FOXP2: variants seen among roughly 807,000 people sequenced by gnomAD.
FOXP2 encodes forkhead box P2.
In FOXP2, 12 loss-of-function variants were observed where a neutral mutation model predicts 115.8. That is an observed-to-expected ratio of 0.10 (90% CI 0.07 to 0.17). The LOEUF (loss-of-function observed/expected upper bound fraction) is 0.17. Among genes scored for constraint, FOXP2 ranks in the 10% least tolerant of loss-of-function variants. The pLI is 1.00. For missense variants in FOXP2, 629 were observed against 843.5 expected (o/e 0.75, Z 3.15); for synonymous variants, 328 against 297.7 (o/e 1.10, Z -1.05).
intron 3 of FOXP2, among the ~76,000 whole-genome samples, chr7:114,564,692 G>A (rs1800919532): frequency 1.3e-5 from 2 of 151,882 alleles, no homozygotes; most frequent in African/African-American, 2.4e-5. Flanking sequence ...CCAGCCTGGA[G>A]TATATAGTGA....
intron 1 of FOXP2, among the ~76,000 whole-genome samples, chr7:114,127,270 G>T (rs1305629817): frequency 6.6e-6 from 1 of 152,186 alleles, no homozygotes; most frequent in Non-Finnish European, 1.5e-5. Flanking sequence ...ACACTCTTAT[G>T]TAACAATCAT....
At chr7:114,266,095 C>A (rs947275672) in intron 1 of FOXP2, among the ~76,000 whole-genome samples, 1 of 151,886 alleles carries the variant, frequency 6.6e-6, no homozygotes, top group South Asian at 2.1e-4. Flanking sequence ...AAAAACTGGA[C>A]CTATCAGCCC....
intron 1 of FOXP2, among the ~76,000 whole-genome samples, chr7:114,187,392 T>G (rs1034934392): frequency 8.5e-5 from 13 of 152,186 alleles, no homozygotes; most frequent in Non-Finnish European, 1.5e-4. Context: ...ACACAGACAT[T>G]CAGCCAAATT....
chr7:114,542,083 A>C (rs991651221), intron 3 of FOXP2, among the ~76,000 whole-genome samples: 88 of 152,200 alleles, frequency 5.8e-4, no homozygotes, highest in Admixed American at 3.5e-3. Context: ...GATTCTATTT[A>C]TATATTTCTA....
chr7:114,355,958 C>G (rs924210342), intron 2 of FOXP2, among the ~76,000 whole-genome samples: 2 of 152,200 alleles, frequency 1.3e-5, no homozygotes, highest in Non-Finnish European at 2.9e-5. Flanking sequence ...ATACTTACCT[C>G]TGTTCAACTA....
At chr7:114,310,920 C>A (rs1274152690) in intron 2 of FOXP2, among the ~76,000 whole-genome samples, 1 of 152,112 alleles carries the variant, frequency 6.6e-6, no homozygotes, top group Non-Finnish European at 1.5e-5. Context: ...TGCAGCTCAA[C>A]CTTTTGACTT....
intron 2 of FOXP2, among the ~76,000 whole-genome samples, chr7:114,468,004 T>G (rs1271479855): frequency 6.6e-6 from 1 of 152,180 alleles, no homozygotes; most frequent in African/African-American, 2.4e-5. Flanking sequence ...ACTGCTGTTC[T>G]TCTGCAATGC....
At chr7:114,513,806 A>C (rs1363409247) in intron 2 of FOXP2, among the ~76,000 whole-genome samples, 1 of 152,128 alleles carries the variant, frequency 6.6e-6, no homozygotes, top group East Asian at 1.9e-4. Context: ...ATAATTTTCT[A>C]ATTTAAGTGT....
At chr7:114,129,783 T>G (rs531067811) in intron 1 of FOXP2, among the ~76,000 whole-genome samples, 1 of 152,328 alleles carries the variant, frequency 6.6e-6, no homozygotes, top group African/African-American at 2.4e-5. Context: ...TGTCATTAAG[T>G]AAAATTTAAG....
intron 1 of FOXP2, among the ~76,000 whole-genome samples, chr7:114,116,721 C>T (rs944945245): frequency 1.1e-4 from 17 of 151,900 alleles, no homozygotes; most frequent in Non-Finnish European, 2.1e-4. Flanking sequence ...GGATTAAAAA[C>T]GTAAAATGGG....
intron 1 of FOXP2, among the ~76,000 whole-genome samples, chr7:114,175,035 G>T (rs887096705): frequency 1.3e-5 from 2 of 152,016 alleles, no homozygotes; most frequent in African/African-American, 4.8e-5. Context: ...TAAAGAGAGG[G>T]TTGTAACAAA....
At position 114,635,327 on chromosome 7, in the gene FOXP2, G is replaced by A. The variant is rs75490674; in HGVS notation, c.775+3622G>A. On this transcript the variant is annotated intron_variant, in intron 6 of 16. Transcript: ENST00000350908. ...GTGATTGCATAGATTACTATTGTAT[G>A]TAATTGTAGCAACAACACTACCAAT... 8.2e-3 allele frequency among the ~76,000 whole-genome samples: 1,252 copies of A among 152,224 alleles called. 43 individuals are homozygous for A. The East Asian group carries it at 0.092, about 11-fold the overall frequency.
intron 2 of FOXP2, among the ~76,000 whole-genome samples, chr7:114,509,010 T>C (rs1159075527): frequency 6.6e-6 from 1 of 152,018 alleles, no homozygotes; most frequent in Non-Finnish European, 1.5e-5. Context: ...AGAGCAAGCT[T>C]TGTGTATTTG....
At chr7:114,601,163 G>T (rs568353743) in intron 3 of FOXP2, among the ~76,000 whole-genome samples, 1 of 151,954 alleles carries the variant, frequency 6.6e-6, no homozygotes, top group East Asian at 1.9e-4. Context: ...ACAGGGTTTC[G>T]CCATGTTGGC....
intron 2 of FOXP2, among the ~76,000 whole-genome samples, chr7:114,469,793 A>C (rs1332959151): frequency 1.3e-5 from 2 of 152,204 alleles, no homozygotes; most frequent in African/African-American, 4.8e-5. Flanking sequence ...AATATAAAAG[A>C]TATTAAAATA....
At chr7:114,116,196 A>C (rs528996365) in intron 1 of FOXP2, among the ~76,000 whole-genome samples, 1 of 152,166 alleles carries the variant, frequency 6.6e-6, no homozygotes, top group African/African-American at 2.4e-5. Flanking sequence ...ATGGTCCTAC[A>C]GGAGGGAATT....
At chr7:114,494,326 T>A (rs1485231400) in intron 2 of FOXP2, among the ~76,000 whole-genome samples, 1 of 152,196 alleles carries the variant, frequency 6.6e-6, no homozygotes, top group Non-Finnish European at 1.5e-5. Flanking sequence ...ATGATACTGT[T>A]GAACCAGTAT....
rs1171729664 is a variant in FOXP2, at chr7:114,496,365, A to T, written c.169-38252A>T. ...GATGTCTTCCAATTTTTAAGAAATT[A>T]TTCACAAAAAATTAAAATCTAATTA... On this transcript the variant is annotated intron_variant, in intron 2 of 16. Transcript: ENST00000350908. 2.0e-5 allele frequency among the ~76,000 whole-genome samples: 3 copies of T among 152,178 alleles called. No individual in the cohort carries two copies. The East Asian group carries it at 5.8e-4, about 29-fold the overall frequency.
At chr7:114,669,053 T>G (rs1369577113) in intron 16 of FOXP2, 1 of 152,150 alleles carries the variant, frequency 6.6e-6, no homozygotes, top group Non-Finnish European at 1.5e-5. Flanking sequence ...AGTTTTATTT[T>G]TAGTTTTAAT....
Sources: gnomAD v4.1 joint callset for allele counts (sites outside exome capture counted in the v4.1 genomes callset) on GRCh38, gnomAD v4.1.1 for gene constraint, MANE v1.5 for transcripts, NCBI Gene and HGNC (gene_info 2026-07-23, HGNC 2026-07-21) for gene names.